Variants in NSD1 observed in about 807,000 individuals in gnomAD.
NSD1 encodes histone-lysine N-methyltransferase, H3 lysine-36 specific.
In NSD1, 26 loss-of-function variants were observed where a neutral mutation model predicts 242.7. The ratio of observed to expected loss-of-function variants is 0.11; its 90% CI spans 0.08 to 0.15. NSD1 has a LOEUF of 0.15. Among genes scored for constraint, NSD1 ranks in the 10% least tolerant of loss-of-function variants. NSD1 has a pLI of 1.00. For synonymous variants in NSD1, 1,106 were observed against 1,178.1 expected (o/e 0.94, Z 1.25); for missense variants, 2,495 against 3,272.8 (o/e 0.76, Z 5.80).
In NSD1 at chr5:177,247,124, T is replaced by TA. The variant is rs201565305; in HGVS notation, c.4497+329dup. On this transcript the variant is annotated intron_variant, in intron 10 of 22. Transcript: ENST00000439151. ...AACATATGATCTGAAGGAACATAGA[T>TA]ACTGTCCTATAAAAGTTGAGACTGG... is the stretch of plus-strand genomic sequence containing the variant. 4.3e-3 allele frequency among the ~76,000 whole-genome samples: 652 copies of TA among 152,338 alleles called. 3 individuals are homozygous for TA. Among genetic ancestry groups the TA allele is most frequent in the African/African-American group, 0.014 (596 of 41,586 alleles).
In NSD1 at chr5:177,297,176, G is replaced by A. The variant is rs145418928; in HGVS notation, c.*1717G>A. 124 of 232,624 alleles carry A rather than the reference G, an allele frequency of 5.3e-4. No homozygotes were observed. In the East Asian group the frequency reaches 7.3e-3, roughly 14 times the overall value. 14.4% of individuals were successfully genotyped at this position (232,624 alleles called of 1,614,324 possible). A position where few individuals can be genotyped will look rare whatever the true frequency, so the allele number is the denominator to read the frequency against. On this transcript the variant is annotated 3_prime_UTR_variant, in exon 23 of 23. Coordinates refer to ENST00000439151, the MANE Select transcript of NSD1 (RefSeq NM_022455.5). ...CAGGCAGAGGGACGAGGCTGGGCAGGGCTGTCCTGAGTTTAGGGGCCTATC... is the reference window on the plus strand; with the variant it reads ...CAGGCAGAGGGACGAGGCTGGGCAGAGCTGTCCTGAGTTTAGGGGCCTATC...
At position 177,294,931 on chromosome 5, in the gene NSD1, C is replaced by T; in HGVS notation, c.7563C>T (p.Ala2521=). The T allele has an allele frequency of 6.2e-7, 1 of 1,614,174 alleles. No individual in the cohort carries two copies. Among genetic ancestry groups the T allele is most frequent in the South Asian group, 1.1e-5 (1 of 91,078 alleles). ...DPLQTSGKAA[A]PSEDPWQAVK... is the part of the protein sequence containing the mutation. ...TTCAGACATCTGGGAAAGCAGCAGC[C>T]CCTTCAGAGGACCCCTGGCAAGCTG... is the stretch of plus-strand genomic sequence containing the variant. Residue 2521 remains alanine (A), a synonymous_variant, in exon 23 of 23, where the codon GCC becomes GCT. Transcript: ENST00000439151.
At chr5:177,258,291 T>C (rs995075899) in intron 13 of NSD1, among the ~76,000 whole-genome samples, 4 of 151,730 alleles carry the variant, frequency 2.6e-5, no homozygotes, top group East Asian at 2.0e-4. Flanking sequence ...GCCATTTTTA[T>C]ATCTCTGGTT....
chr5:177,222,124 A>AT (rs986749497), intron 5 of NSD1, among the ~76,000 whole-genome samples: 3 of 146,064 alleles, frequency 2.1e-5, no homozygotes, highest in African/African-American at 7.6e-5. Flanking sequence ...ACTTTGTTTT[A>AT]TTTTTTATTA....
chr5:177,265,578 T>TC, intron 14 of NSD1: 1 of 1,224,908 alleles, frequency 8.2e-7, no homozygotes, highest in Non-Finnish European at 1.2e-6. Flanking sequence ...CCTCAGCACA[T>TC]CCTGTAGTCT....
chr5:177,133,667 G>C (rs1756025281), upstream of NSD1: 1 of 149,264 alleles, frequency 6.7e-6, no homozygotes, highest in Admixed American at 6.7e-5. The surrounding 1 kb of genome is among the most constrained non-coding windows in gnomAD (Gnocchi z 6.2). Context: ...CTCGGTGGGG[G>C]AAGGGGTGCG....
intron 2 of NSD1, among the ~76,000 whole-genome samples, chr5:177,161,840 G>A (rs1758783317): frequency 6.6e-6 from 1 of 151,774 alleles, no homozygotes. Flanking sequence ...TAGTAGAGAT[G>A]GGGTTTCACC....
At chr5:177,282,303 C>T (rs1461203450) in intron 18 of NSD1, among the ~76,000 whole-genome samples, 162 bp from the exon 19 acceptor site, 1 of 152,118 alleles carries the variant, frequency 6.6e-6, no homozygotes, top group Non-Finnish European at 1.5e-5. Flanking sequence ...TTCTCATTAT[C>T]AAATAGTTGG....
intron 12 of NSD1, among the ~76,000 whole-genome samples, chr5:177,252,569 T>TA (rs1554198609): frequency 1.3e-4 from 12 of 93,590 alleles, no homozygotes; most frequent in Non-Finnish European, 2.5e-4. Context: ...TTTTTTTTTT[T>TA]AATAAGAGAT....
At chr5:177,254,534 G>A (rs1756267494) in intron 12 of NSD1, among the ~76,000 whole-genome samples, 1 of 152,086 alleles carries the variant, frequency 6.6e-6, no homozygotes. Flanking sequence ...CGAGTAGCAA[G>A]GATACCAGGC....
intron 14 of NSD1, among the ~76,000 whole-genome samples, chr5:177,261,505 C>T (rs1757000284): frequency 1.3e-5 from 2 of 152,216 alleles, no homozygotes; most frequent in South Asian, 4.1e-4. Context: ...AAGATTTTAG[C>T]ACTCATCACC....
At chr5:177,218,011 C>G (rs76442924) in intron 5 of NSD1, among the ~76,000 whole-genome samples, 11,916 of 152,088 alleles carry the variant, frequency 0.078, 979 homozygotes, top group African/African-American at 0.21. Context: ...CACCCAGGCT[C>G]AAGCAATACT....
At chr5:177,212,469 CTCTCTTTCTCTCTCTCTCT>C (rs778681386) in intron 5 of NSD1, among the ~76,000 whole-genome samples, 5 of 144,352 alleles carry the variant, frequency 3.5e-5, no homozygotes, top group Non-Finnish European at 6.0e-5. Flanking sequence ...CTTTCTCTCT[CTCTCTTTCTCTCTCTCTCT>C]TTTTTTTTTT....
chr5:177,210,701 A>T lies in NSD1; in HGVS notation c.2302A>T (p.Ile768Leu). Reference sequence around the variant, plus strand: ...AAGCATATCCAGTGAGAACTCGTTAATAAAGGGTGGGGCAGCAAATCAAGC... The same window carrying T: ...AAGCATATCCAGTGAGAACTCGTTATTAAAGGGTGGGGCAGCAAATCAAGC... ...SSSISSENSL[I>L]KGGAANQALL... is the part of the protein sequence containing the mutation. Residue 768 changes from isoleucine (I) to leucine (L), a missense_variant, in exon 5 of 23, where the codon ATA becomes TTA. Physicochemically the swap from Ile to Leu is conservative, Grantham distance 5. Around this residue, in one of 19 missense-constraint regions of NSD1, gnomAD observed 515 missense variants for 467.0 expected, o/e 1.10. Coordinates refer to ENST00000439151, the MANE Select transcript of NSD1 (RefSeq NM_022455.5). 1 of 1,614,224 alleles carries T rather than the reference A, an allele frequency of 6.2e-7. No individual in the cohort carries two copies.
At chr5:177,222,321 GT>G (rs1252957165) in intron 5 of NSD1, among the ~76,000 whole-genome samples, 3 of 152,136 alleles carry the variant, frequency 2.0e-5, no homozygotes, top group African/African-American at 7.2e-5. Flanking sequence ...TAGAGGCAGA[GT>G]TTCACCATGT....
chr5:177,193,332 C>T (rs889553139), intron 3 of NSD1, among the ~76,000 whole-genome samples: 2 of 151,998 alleles, frequency 1.3e-5, no homozygotes, highest in South Asian at 2.1e-4. Flanking sequence ...TTAGTAGAGA[C>T]GGGATTTCAC....
intron 2 of NSD1, among the ~76,000 whole-genome samples, chr5:177,175,960 C>T (rs1163985483): frequency 6.6e-6 from 1 of 151,920 alleles, no homozygotes; most frequent in Non-Finnish European, 1.5e-5. Flanking sequence ...ACTGCAACCT[C>T]TGCCTCCTGG....
At chr5:177,186,044 AATAT>A (rs1285409090) in intron 2 of NSD1, among the ~76,000 whole-genome samples, 1 of 102,412 alleles carries the variant, frequency 9.8e-6, no homozygotes, top group Non-Finnish European at 1.8e-5. Context: ...TTATATATAT[AATAT>A]ATAATATAAC....
intron 2 of NSD1, among the ~76,000 whole-genome samples, chr5:177,162,467 C>A (rs1758840001): frequency 6.6e-6 from 1 of 151,988 alleles, no homozygotes; most frequent in African/African-American, 2.4e-5. Flanking sequence ...AGGATCTCGG[C>A]TCACTGCAAC....
Sources: allele counts gnomAD v4.1 joint callset (sites outside exome capture counted in the v4.1 genomes callset), GRCh38; gene constraint gnomAD v4.1.1; regional missense constraint gnomAD v4.1.1; non-coding constraint Gnocchi (gnomAD v3.1); transcripts MANE v1.5; gene names NCBI Gene and HGNC (gene_info 2026-07-23, HGNC 2026-07-21).